The following MAD1L1 variants were observed in gnomAD, a reference collection of about 807,000 sequenced individuals.
MAD1L1 encodes mitotic arrest deficient 1 like 1.
Under a neutral mutation model 96.9 loss-of-function variants are expected in MAD1L1, and 95 were observed. The observed-to-expected ratio is 0.98, with a 90% confidence interval of 0.83 to 1.16. The LOEUF (loss-of-function observed/expected upper bound fraction) is 1.16. Ranked by LOEUF, MAD1L1 falls within the 50% of genes most tolerant of loss-of-function variation. The probability of loss-of-function intolerance (pLI) is 0.00; values close to 1 mark genes in which losing one functional copy is unlikely to be tolerated. For synonymous variants in MAD1L1, 473 were observed against 396.6 expected, an observed-to-expected ratio of 1.19 and a Z score of -2.29; for missense variants, 1,007 against 954.4, an observed-to-expected ratio of 1.06 and a Z score of -0.73.
chr7:2,225,026 A>C (rs1277243544), intron 4 of MAD1L1, among the ~76,000 whole-genome samples: 1 of 152,210 alleles, frequency 6.6e-6, no homozygotes, highest in Admixed American at 6.5e-5. Context: ...CCAGCAAAAG[A>C]ATCTGTGCCA....
intron 17 of MAD1L1, among the ~76,000 whole-genome samples, chr7:1,907,180 T>C (rs2128447762): frequency 6.6e-6 from 1 of 151,986 alleles, no homozygotes; most frequent in African/African-American, 2.4e-5. Flanking sequence ...ATCCCCACTA[T>C]CTCCCCACTG....
At chr7:2,043,090 C>G (rs780996442) in intron 12 of MAD1L1, among the ~76,000 whole-genome samples, 3 of 152,166 alleles carry the variant, frequency 2.0e-5, no homozygotes, top group Non-Finnish European at 2.9e-5. Flanking sequence ...ATTGCTTATG[C>G]GAAGATATTT....
At chr7:2,172,426 A>G (rs976536253) in intron 10 of MAD1L1, among the ~76,000 whole-genome samples, 3 of 152,200 alleles carry the variant, frequency 2.0e-5, no homozygotes, top group African/African-American at 7.2e-5. Flanking sequence ...GCCCAGCAGC[A>G]GGAAGTCACG....
In MAD1L1 at chr7:1,936,687, C is replaced by T. The variant is rs1480780374; in HGVS notation, c.1807G>A (p.Glu603Lys). The change falls in exon 17 of 19, where the codon GAG (glutamate) becomes AAG (lysine). Residue 603 changes from glutamate to lysine, a missense_variant and splice_region_variant. Physicochemically the swap from Glu to Lys is moderately conservative, Grantham distance 56. Transcript: ENST00000265854. ...GGGACCGGGGGTGGGGGGTGCCTAC[C>T]TGCCACCTCCTTGGACGATGGCAGA... ...ASLPSSKEVA[E>K]LKKQVESAEL... 4 of 1,549,600 alleles carry T rather than the reference C, an allele frequency of 2.6e-6. No individual in the cohort carries two copies. In the South Asian group the frequency reaches 4.8e-5, roughly 18 times the overall value.
chr7:2,030,442 G>A (rs1397148256), intron 12 of MAD1L1, among the ~76,000 whole-genome samples: 2 of 152,230 alleles, frequency 1.3e-5, no homozygotes, highest in Non-Finnish European at 1.5e-5. Flanking sequence ...GTCACCAAAT[G>A]CATTTCTTGC....
chr7:2,152,498 G>C (rs1425288374), intron 10 of MAD1L1, among the ~76,000 whole-genome samples: 2 of 152,240 alleles, frequency 1.3e-5, no homozygotes, highest in African/African-American at 4.8e-5. Flanking sequence ...CCAGGGTTCA[G>C]CTTCCACTCA....
chr7:2,123,742 C>A (rs540361181), intron 11 of MAD1L1, among the ~76,000 whole-genome samples: 28 of 152,184 alleles, frequency 1.8e-4, no homozygotes, highest in Non-Finnish European at 3.2e-4. Context: ...ATAGATCCTC[C>A]GGCGGCGTGG....
chr7:2,139,475 G>C (rs1412515916), intron 11 of MAD1L1, among the ~76,000 whole-genome samples: 1 of 152,218 alleles, frequency 6.6e-6, no homozygotes, highest in Non-Finnish European at 1.5e-5. Flanking sequence ...TCTGTGTCCT[G>C]CCTCTGGTCT....
intron 15 of MAD1L1, among the ~76,000 whole-genome samples, chr7:1,977,449 C>A (rs112132500): frequency 5.0e-4 from 76 of 152,370 alleles, no homozygotes; most frequent in African/African-American, 1.6e-3. Flanking sequence ...AGAACTCGCA[C>A]TGGCCTGTGA....
rs115241304 is a variant in MAD1L1 at position 1,983,731 on chromosome 7, C to T, written c.1417-3190G>A. 1.5e-3 allele frequency among the ~76,000 whole-genome samples: 230 copies of T among 152,360 alleles called. 1 individual carries two copies. The highest frequency in any genetic ancestry group is 5.3e-3 in the African/African-American group (219 of 41,584). ...CCAGATCAGGACACAGAATTCTCAG[C>T]ACGCCTGAAAGCTCTCGCATGCTCC... On this transcript the variant is annotated intron_variant, in intron 14 of 18. Coordinates refer to ENST00000265854, the MANE Select transcript of MAD1L1 (RefSeq NM_001013836.2).
intron 12 of MAD1L1, among the ~76,000 whole-genome samples, chr7:2,065,675 G>A (rs1784846988): frequency 6.6e-6 from 1 of 152,148 alleles, no homozygotes. Context: ...GGGTTCCCAG[G>A]GCAGGGTGTC....
intron 10 of MAD1L1, among the ~76,000 whole-genome samples, chr7:2,210,961 T>C (rs983685981): frequency 2.0e-5 from 3 of 152,094 alleles, no homozygotes; most frequent in African/African-American, 7.2e-5. Flanking sequence ...GAGCTCCGTG[T>C]CCCCCTTTCA....
chr7:2,019,427 C>T (rs1051747605), intron 12 of MAD1L1, among the ~76,000 whole-genome samples: 54 of 152,346 alleles, frequency 3.5e-4, no homozygotes, highest in African/African-American at 1.2e-3. Context: ...GACAGTCCTG[C>T]GCTCCAATCT....
chr7:1,886,898 C>T (rs1472189000), intron 18 of MAD1L1, among the ~76,000 whole-genome samples: 1 of 152,270 alleles, frequency 6.6e-6, no homozygotes, highest in Non-Finnish European at 1.5e-5. Context: ...GGTGTGCAGC[C>T]GGACTCCAGA....
In MAD1L1 at chr7:2,177,653, T is replaced by C. The variant is rs1791008477; in HGVS notation, c.987-28415A>G. Among the ~76,000 whole-genome samples the C allele has an allele frequency of 2.0e-5, 3 of 152,222 alleles. No individual in the cohort carries two copies. The South Asian group carries it at 6.2e-4, about 32-fold the overall frequency. The stretch of plus-strand genomic sequence containing the variant: ...ATTACTATTAAAACCACATCAGACA[T>C]TTCATGTTTGAAAATTATATAAAAC... On this transcript the variant is annotated intron_variant, in intron 10 of 18. Coordinates refer to ENST00000265854, the MANE Select transcript of MAD1L1 (RefSeq NM_001013836.2).
intron 12 of MAD1L1, among the ~76,000 whole-genome samples, chr7:2,017,133 T>A (rs1250793860): frequency 6.6e-6 from 1 of 152,260 alleles, no homozygotes; most frequent in Non-Finnish European, 1.5e-5. Flanking sequence ...ACCTGTTTTG[T>A]CACCGGTAGT....
chr7:2,176,275 G>A (rs1486793644), intron 10 of MAD1L1, among the ~76,000 whole-genome samples: 3 of 152,186 alleles, frequency 2.0e-5, no homozygotes, highest in South Asian at 4.1e-4. Flanking sequence ...TGGAACCTGG[G>A]AGGCAGAGGT....
At chr7:1,977,389 A>G (rs1780694698) in intron 15 of MAD1L1, among the ~76,000 whole-genome samples, 1 of 152,218 alleles carries the variant, frequency 6.6e-6, no homozygotes, top group Non-Finnish European at 1.5e-5. Context: ...GGGGCCGGCA[A>G]CGCTGGCCAG....
intron 11 of MAD1L1, among the ~76,000 whole-genome samples, chr7:2,145,996 C>T (rs925495411): frequency 6.6e-6 from 1 of 152,200 alleles, no homozygotes; most frequent in African/African-American, 2.4e-5. Flanking sequence ...TTCCGCACAT[C>T]AGATCAGCAG....
Sources: gnomAD v4.1 joint callset for allele counts (sites outside exome capture counted in the v4.1 genomes callset) on GRCh38, gnomAD v4.1.1 for gene constraint, MANE v1.5 for transcripts, NCBI Gene and HGNC (gene_info 2026-07-23, HGNC 2026-07-21) for gene names.